RIMS2: variants seen among roughly 807,000 people sequenced by gnomAD.
RIMS2 encodes regulating synaptic membrane exocytosis protein 2.
In RIMS2, 59 loss-of-function variants were observed where a neutral mutation model predicts 174.4. That is an observed-to-expected ratio of 0.34 (90% CI 0.27 to 0.42). The LOEUF is 0.42. RIMS2 is among the 10% of genes least tolerant of loss of function. The pLI is 1.00. For synonymous variants in RIMS2, 606 were observed against 572.5 expected, an observed-to-expected ratio of 1.06 and a Z score of -0.84; for missense variants, 1,620 against 1,666.3, an observed-to-expected ratio of 0.97 and a Z score of 0.48.
chr8:103,647,704 G>A (rs574431762), intron 1 of RIMS2, among the ~76,000 whole-genome samples: 352 of 151,980 alleles, frequency 2.3e-3, no homozygotes, highest in African/African-American at 8.1e-3. Flanking sequence ...TCTAGTTTAT[G>A]TGCATAGAGG....
At chr8:103,550,247 A>G (rs1010163901) in intron 1 of RIMS2, among the ~76,000 whole-genome samples, 4 of 152,210 alleles carry the variant, frequency 2.6e-5, no homozygotes, top group African/African-American at 7.2e-5. Flanking sequence ...AGAAATTAGA[A>G]CAAAGTGTCT....
At chr8:104,084,437 CAA>C (rs34285862) in intron 19 of RIMS2, among the ~76,000 whole-genome samples, 2 of 76,684 alleles carry the variant, frequency 2.6e-5, no homozygotes, top group Admixed American at 1.5e-4. Flanking sequence ...GACTCTGTCT[CAA>C]AAAAAAAAAA....
intron 19 of RIMS2, chr8:104,093,554 G>T: frequency 6.3e-7 from 1 of 1,597,164 alleles, no homozygotes. Context: ...ATATATCTGC[G>T]GTTTCAAGGA....
intron 19 of RIMS2, among the ~76,000 whole-genome samples, chr8:104,029,971 C>T (rs1192259513): frequency 6.6e-6 from 1 of 151,816 alleles, no homozygotes; most frequent in Non-Finnish European, 1.5e-5. Flanking sequence ...TTTGCATTAC[C>T]GCAGATTAAT....
chr8:103,728,709 C>T (rs1423107854), intron 2 of RIMS2, among the ~76,000 whole-genome samples: 1 of 140,812 alleles, frequency 7.1e-6, no homozygotes, highest in Non-Finnish European at 1.5e-5. Flanking sequence ...CAATGTAGGC[C>T]TGTCCCTATG....
At chr8:103,929,116 C>T (rs1271140647) in intron 11 of RIMS2, among the ~76,000 whole-genome samples, 2 of 151,430 alleles carry the variant, frequency 1.3e-5, no homozygotes, top group Admixed American at 1.3e-4. Flanking sequence ...TAAAATATGC[C>T]TATTTGCTAT....
At chr8:103,744,907 A>C (rs1034295757) in intron 2 of RIMS2, among the ~76,000 whole-genome samples, 1 of 152,326 alleles carries the variant, frequency 6.6e-6, no homozygotes, top group Non-Finnish European at 1.5e-5. Flanking sequence ...TCATTCAAAT[A>C]AACTTCTTTG....
chr8:103,501,130 C>A, intron 1 of RIMS2, 68 bp downstream of exon 1: 1 of 1,263,974 alleles, frequency 7.9e-7, no homozygotes, highest in Non-Finnish European at 1.1e-6. Context: ...TGCCCTGCGG[C>A]CGCCTGCGCG....
chr8:103,697,735 A>G (rs1277478415), intron 2 of RIMS2, among the ~76,000 whole-genome samples: 3 of 152,078 alleles, frequency 2.0e-5, no homozygotes, highest in Non-Finnish European at 4.4e-5. Flanking sequence ...CTCAAAAAAG[A>G]AAAAGTTTGG....
chr8:104,092,463 T>C (rs1281980903), intron 19 of RIMS2, among the ~76,000 whole-genome samples: 2 of 151,932 alleles, frequency 1.3e-5, no homozygotes, highest in South Asian at 2.1e-4. Context: ...AGTAGTCATA[T>C]TTGATGTTTA....
At chr8:103,816,197 G>C (rs1366217638) in intron 3 of RIMS2, among the ~76,000 whole-genome samples, 1 of 152,096 alleles carries the variant, frequency 6.6e-6, no homozygotes. Context: ...GGTTACTCTT[G>C]TATTTATGAC....
At chr8:104,073,627 G>A (rs1417460675) in intron 19 of RIMS2, among the ~76,000 whole-genome samples, 1 of 152,102 alleles carries the variant, frequency 6.6e-6, no homozygotes, top group Admixed American at 6.6e-5. Context: ...TTCAAATGGA[G>A]GCCAGAAGCC....
intron 19 of RIMS2, among the ~76,000 whole-genome samples, chr8:104,181,718 G>A (rs2098940973): frequency 6.6e-6 from 1 of 151,392 alleles, no homozygotes; most frequent in African/African-American, 2.4e-5. Context: ...GAAAATAATG[G>A]CACATTTTAC....
chr8:104,108,637 T>G (rs978893020), intron 19 of RIMS2, among the ~76,000 whole-genome samples: 1 of 152,060 alleles, frequency 6.6e-6, no homozygotes, highest in South Asian at 2.1e-4. Flanking sequence ...CCACTCTTGT[T>G]AGATTTCATG....
intron 17 of RIMS2, among the ~76,000 whole-genome samples, chr8:103,992,397 AT>A (rs1490591119): frequency 1.4e-5 from 2 of 147,498 alleles, no homozygotes; most frequent in African/African-American, 5.0e-5. Context: ...AAGTGCTGGG[AT>A]TACAGGCATG....
At chr8:103,523,595 G>A (rs1334688076) in intron 1 of RIMS2, among the ~76,000 whole-genome samples, 1 of 152,126 alleles carries the variant, frequency 6.6e-6, no homozygotes, top group Non-Finnish European at 1.5e-5. Context: ...TGTAAAGCAG[G>A]CAGGTTGAGG....
chr8:103,627,233 A>C (rs541910546), intron 1 of RIMS2, among the ~76,000 whole-genome samples: 1 of 152,340 alleles, frequency 6.6e-6, no homozygotes, highest in South Asian at 2.1e-4. Context: ...ATCCGTTTAT[A>C]GGCTCCCTGC....
In RIMS2 at chr8:103,816,412, T is replaced by G. The variant is rs556248831; in HGVS notation, c.698+49875T>G. Among the ~76,000 whole-genome samples the G allele has an allele frequency of 2.0e-5, 3 of 152,308 alleles. No individual in the cohort carries two copies. The East Asian group carries it at 5.8e-4, about 29-fold the overall frequency. Reference sequence around the variant, plus strand: ...AATGTTTAATGAACCGCCTACCCTGTACTAGGCACTATGCTAGATGAATGA... The same window carrying G: ...AATGTTTAATGAACCGCCTACCCTGGACTAGGCACTATGCTAGATGAATGA... On this transcript the variant is annotated intron_variant, in intron 3 of 23. Transcript: ENST00000504942.
At chr8:103,989,855 G>C (rs1470095799) in intron 17 of RIMS2, among the ~76,000 whole-genome samples, 2 of 152,144 alleles carry the variant, frequency 1.3e-5, no homozygotes, top group Non-Finnish European at 2.9e-5. Flanking sequence ...GAAGTATTGA[G>C]ACGGAGTCTG....
Sources: gnomAD v4.1 joint callset for allele counts (sites outside exome capture counted in the v4.1 genomes callset) on GRCh38, gnomAD v4.1.1 for gene constraint, MANE v1.5 for transcripts, NCBI Gene and HGNC (gene_info 2026-07-23, HGNC 2026-07-21) for gene names.